Variants in SPAG9 observed in about 807,000 individuals in gnomAD.
SPAG9 encodes the protein sperm associated antigen 9.
In SPAG9, 35 loss-of-function variants were observed where a neutral mutation model predicts 166.5. The observed-to-expected ratio is 0.21, with a 90% CI of 0.16 to 0.28. SPAG9 has a LOEUF of 0.28. SPAG9 is among the 10% of genes least tolerant of loss of function. The pLI, the probability that SPAG9 is intolerant of heterozygous loss-of-function variation, is 1.00. For missense variants in SPAG9, 1,235 were observed against 1,603.3 expected, an observed-to-expected ratio of 0.77 and a Z score of 3.92; for synonymous variants, 534 against 565.5, an observed-to-expected ratio of 0.94 and a Z score of 0.79.
chr17:50,969,524 T>C (rs1973613308), intron 29 of SPAG9, among the ~76,000 whole-genome samples: 1 of 152,076 alleles, frequency 6.6e-6, no homozygotes, highest in African/African-American at 2.4e-5. Context: ...TCTAATCACA[T>C]TGCTCCTATA....
intron 24 of SPAG9, 114 bp downstream of exon 24, chr17:50,984,809 T>C (rs1423375760): frequency 2.6e-5 from 21 of 808,420 alleles, no homozygotes; most frequent in East Asian, 1.2e-4. Context: ...TGTGTATTGT[T>C]AGTATTTATT....
intron 1 of SPAG9, among the ~76,000 whole-genome samples, chr17:51,119,614 T>C (rs1382573439): frequency 1.3e-5 from 2 of 152,166 alleles, no homozygotes; most frequent in South Asian, 4.1e-4. Flanking sequence ...GAAAAAGTGT[T>C]GCCAACTGTC....
Position 50,985,849 on chromosome 17 carries a change from GC to G in SPAG9, c.2940-72del. On this transcript the variant is annotated intron_variant, in intron 22 of 29. Coordinates refer to ENST00000262013, the MANE Select transcript of SPAG9 (RefSeq NM_001130528.3). ...ACATTGCATATATCTAACAATGATC[GC>G]GAAGTTCATTCAGAAGGAAAGAAGA... 3 of 831,542 alleles carry G rather than the reference GC, an allele frequency of 3.6e-6. No individual in the cohort carries two copies. The East Asian group carries it at 8.3e-5, about 23-fold the overall frequency. 51.5% of individuals were successfully genotyped at this position (831,542 alleles called of 1,614,324 possible). A position where few individuals can be genotyped will look rare whatever the true frequency, so the allele number is the denominator to read the frequency against.
chr17:51,066,554 C>CAAAAAAAAAA (rs1297678240), intron 2 of SPAG9, among the ~76,000 whole-genome samples: 6 of 21,278 alleles, frequency 2.8e-4, no homozygotes, highest in Admixed American at 5.3e-4. Context: ...GACTCTGTCT[C>CAAAAAAAAAA]AAAAAAAAAA....
chr17:51,032,849 G>A (rs1053301114), intron 5 of SPAG9, among the ~76,000 whole-genome samples: 1 of 152,002 alleles, frequency 6.6e-6, no homozygotes, highest in African/African-American at 2.4e-5. Context: ...CAGGAGAATC[G>A]CTTGAACCCA....
chr17:51,057,041 G>A (rs936240733), intron 2 of SPAG9, among the ~76,000 whole-genome samples: 1 of 152,152 alleles, frequency 6.6e-6, no homozygotes, highest in East Asian at 1.9e-4. Flanking sequence ...TAGATCCTGA[G>A]ATACAGAATG....
chr17:50,987,991 G>A (rs181491174), intron 21 of SPAG9, among the ~76,000 whole-genome samples: 2 of 152,186 alleles, frequency 1.3e-5, no homozygotes, highest in Non-Finnish European at 2.9e-5. Context: ...TGAGGTGGGT[G>A]GATTTCTTGA....
chr17:51,101,824 C>T (rs902935026), intron 1 of SPAG9, among the ~76,000 whole-genome samples: 1 of 151,888 alleles, frequency 6.6e-6, no homozygotes, highest in Non-Finnish European at 1.5e-5. Context: ...GGGGTTTCAC[C>T]ATGTTGGCCA....
intron 1 of SPAG9, among the ~76,000 whole-genome samples, chr17:51,113,391 A>G (rs546604359): frequency 7.0e-6 from 1 of 142,776 alleles, no homozygotes; most frequent in South Asian, 2.2e-4. Flanking sequence ...GAAAAAGCAA[A>G]TAGGTTGGCC....
intron 5 of SPAG9, among the ~76,000 whole-genome samples, chr17:51,035,015 A>C (rs2144329755): frequency 6.6e-6 from 1 of 152,326 alleles, no homozygotes; most frequent in East Asian, 1.9e-4. Flanking sequence ...ATAATGTACA[A>C]AGGCAATGTG....
At chr17:51,056,346 CAT>C (rs2047362913) in intron 3 of SPAG9, 64 bp downstream of exon 3, 4 of 877,882 alleles carry the variant, frequency 4.6e-6, no homozygotes, top group Non-Finnish European at 3.7e-6. Context: ...AAAATTAAGA[CAT>C]ATTTTCTAAG....
chr17:51,095,418 C>A (rs1014161627), intron 1 of SPAG9, among the ~76,000 whole-genome samples: 2 of 151,586 alleles, frequency 1.3e-5, no homozygotes, highest in Admixed American at 6.6e-5. Flanking sequence ...ACCAGCCTGA[C>A]CAACATGGTG....
chr17:50,969,235 G>C (rs1973591045), intron 29 of SPAG9, among the ~76,000 whole-genome samples: 1 of 151,888 alleles, frequency 6.6e-6, no homozygotes, highest in Non-Finnish European at 1.5e-5. Flanking sequence ...TCCTAAGATA[G>C]AGGACCTGTA....
intron 2 of SPAG9, among the ~76,000 whole-genome samples, chr17:51,077,033 T>TAGCTATCTAGCTAGCTATCTAGCTAG (rs1568065402): frequency 1.1e-5 from 1 of 94,488 alleles, no homozygotes; most frequent in Non-Finnish European, 2.4e-5. Context: ...TAGCTATCTA[T>TAGCTATCTAGCTAGCTATCTAGCTAG]CTAGCTATCT....
intron 9 of SPAG9, chr17:51,007,712 T>C (rs2045285601): frequency 1.9e-5 from 7 of 361,338 alleles, no homozygotes; most frequent in South Asian, 1.5e-4. Context: ...TTAATATGGA[T>C]CGAAATTGTT....
intron 5 of SPAG9, among the ~76,000 whole-genome samples, chr17:51,032,490 T>C (rs1406028122): frequency 1.3e-5 from 2 of 152,162 alleles, no homozygotes; most frequent in Non-Finnish European, 2.9e-5. Flanking sequence ...AAAATCTATT[T>C]ATTCATATTC....
At chr17:51,026,076 A>G (rs534802022) in intron 6 of SPAG9, among the ~76,000 whole-genome samples, 2 of 152,158 alleles carry the variant, frequency 1.3e-5, no homozygotes, top group African/African-American at 2.4e-5. Context: ...TTTGAGGTCA[A>G]TCTTGGAATT....
chr17:51,091,146 A>C (rs141958120), intron 1 of SPAG9, among the ~76,000 whole-genome samples: 2,488 of 151,594 alleles, frequency 0.016, 17 homozygotes, highest in Non-Finnish European at 0.024. Context: ...AGTGGTGTGC[A>C]TCTGTAGTCC....
chr17:50,993,943 G>C lies in SPAG9; in HGVS notation c.2227-8C>G. ...TAACTCCTTCTGCTGTTCCTGTATA[G>C]GCAAAGGAGGAAAAATGTTTAAAAC... On this transcript the variant is annotated splice_region_variant and splice_polypyrimidine_tract_variant and intron_variant, in intron 18 of 29. Transcript: ENST00000262013. The C allele has an allele frequency of 6.2e-7, 1 of 1,611,610 alleles. No individual in the cohort carries two copies. Among genetic ancestry groups the C allele is most frequent in the Non-Finnish European group, 8.5e-7 (1 of 1,178,326 alleles).
Sources: gnomAD v4.1 joint callset for allele counts (sites outside exome capture counted in the v4.1 genomes callset) on GRCh38, gnomAD v4.1.1 for gene constraint, MANE v1.5 for transcripts, NCBI Gene and HGNC (gene_info 2026-07-23, HGNC 2026-07-21) for gene names.